STARD13: variants seen among roughly 807,000 people sequenced by gnomAD.
The protein encoded by STARD13 is StAR related lipid transfer domain containing 13, also known as stAR-related lipid transfer protein 13.
A neutral mutation model predicts 106.4 loss-of-function variants in STARD13; 62 were observed. The observed-to-expected ratio is 0.58, with a 90% CI of 0.48 to 0.72. STARD13 has a LOEUF of 0.72. Among genes scored for constraint, STARD13 ranks in the 30% least tolerant of loss-of-function variants. The probability of loss-of-function intolerance (pLI) is 0.00; values close to 1 mark genes in which losing one functional copy is unlikely to be tolerated. For missense variants in STARD13, 1,387 were observed against 1,424.0 expected, an observed-to-expected ratio of 0.97 and a Z score of 0.42; for synonymous variants, 565 against 553.0, an observed-to-expected ratio of 1.02 and a Z score of -0.31.
At chr13:33,163,490 T>C (rs1392728921) in intron 3 of STARD13, among the ~76,000 whole-genome samples, 1 of 150,270 alleles carries the variant, frequency 6.7e-6, no homozygotes, top group East Asian at 2.0e-4. Context: ...CTCTAGAGGC[T>C]GTGGCAGGAG....
chr13:33,238,639 T>C (rs1889313926), intron 1 of STARD13, among the ~76,000 whole-genome samples: 1 of 151,968 alleles, frequency 6.6e-6, no homozygotes, highest in African/African-American at 2.4e-5. Flanking sequence ...AGCTCTAGAG[T>C]GAGAAAACCT....
chr13:33,631,039 C>T, the STARD13 span, among the ~76,000 whole-genome samples: 1 of 152,120 alleles, frequency 6.6e-6, no homozygotes, highest in Non-Finnish European at 1.5e-5. Context: ...AAATTAGATC[C>T]CATGTTCTGC....
At chr13:33,157,686 G>C (rs760965092) in intron 3 of STARD13, among the ~76,000 whole-genome samples, 5 of 152,006 alleles carry the variant, frequency 3.3e-5, no homozygotes, top group South Asian at 4.1e-4. Context: ...AACAAACAAA[G>C]AAAGAAATTC....
the STARD13 span, among the ~76,000 whole-genome samples, chr13:33,496,971 TAACA>T: frequency 1.1e-4 from 16 of 152,144 alleles, no homozygotes; most frequent in Non-Finnish European, 1.8e-4. Flanking sequence ...CTCAAGTATA[TAACA>T]AACAGATAAT....
the STARD13 span, among the ~76,000 whole-genome samples, chr13:33,599,875 A>G: frequency 2.0e-5 from 3 of 152,254 alleles, no homozygotes; most frequent in Non-Finnish European, 4.4e-5. Flanking sequence ...TACAACCATT[A>G]GCTGAAATGT....
intron 1 of STARD13, among the ~76,000 whole-genome samples, chr13:33,314,382 C>A (rs1380474380): frequency 1.3e-5 from 2 of 152,092 alleles, no homozygotes; most frequent in East Asian, 3.8e-4. Context: ...TGATTTGGAG[C>A]AGGACTACAG....
At chr13:33,384,354 G>A in the STARD13 span, among the ~76,000 whole-genome samples, 1 of 152,196 alleles carries the variant, frequency 6.6e-6, no homozygotes, top group Non-Finnish European at 1.5e-5. Flanking sequence ...GCCAAGCTAA[G>A]AGTCCGGGAA....
chr13:33,315,673 C>G (rs2138513316), intron 1 of STARD13, among the ~76,000 whole-genome samples: 1 of 152,196 alleles, frequency 6.6e-6, no homozygotes, highest in East Asian at 1.9e-4. Context: ...AATTTCAAAA[C>G]AAAGTTCAAG....
rs76891142 is a variant in STARD13, at chr13:33,167,535, C to G, written c.241+16G>C. ...ATTTATTCTCTGTGTAAGAGCGAAG[C>G]GAAGGGCTGACGTACCCTCATATAA... On this transcript the variant is annotated intron_variant, in intron 2 of 13. Coordinates refer to ENST00000336934, the MANE Select transcript of STARD13 (RefSeq NM_178006.4). The G allele has an allele frequency of 2.2e-3, 3,506 of 1,613,568 alleles. 45 individuals carry two copies. In the African/African-American group the frequency reaches 0.033, roughly 15 times the overall value.
intron 6 of STARD13, among the ~76,000 whole-genome samples, chr13:33,126,847 T>C (rs570613238): frequency 1.4e-5 from 2 of 144,500 alleles, no homozygotes; most frequent in African/African-American, 5.2e-5. Context: ...ACCCACCAAA[T>C]CATCTACAAT....
intron 1 of STARD13, among the ~76,000 whole-genome samples, chr13:33,237,461 T>C (rs2138233550): frequency 6.6e-6 from 1 of 152,300 alleles, no homozygotes; most frequent in South Asian, 2.1e-4. Context: ...TAACATCTTA[T>C]TCCTCCTTTT....
the STARD13 span, among the ~76,000 whole-genome samples, chr13:33,447,528 C>T: frequency 6.6e-6 from 1 of 152,188 alleles, no homozygotes; most frequent in Admixed American, 6.5e-5. Context: ...TGTACTCTGA[C>T]TCTCATTAAC....
chr13:33,592,740 T>C, the STARD13 span, among the ~76,000 whole-genome samples: 1 of 152,248 alleles, frequency 6.6e-6, no homozygotes, highest in Non-Finnish European at 1.5e-5. Flanking sequence ...GACACAAGCA[T>C]ACACTGAGAA....
the STARD13 span, among the ~76,000 whole-genome samples, chr13:33,582,704 A>G: frequency 6.8e-4 from 104 of 152,290 alleles, no homozygotes; most frequent in African/African-American, 2.4e-3. Context: ...TCATATTTTG[A>G]CTTTTCTTTG....
chr13:33,184,226 T>C (rs540796831), intron 1 of STARD13, among the ~76,000 whole-genome samples: 1 of 152,350 alleles, frequency 6.6e-6, no homozygotes, highest in African/African-American at 2.4e-5. Flanking sequence ...TAGATGTAAC[T>C]GTGACTTCTG....
At chr13:33,152,862 G>A (rs1486715915) in intron 3 of STARD13, among the ~76,000 whole-genome samples, 4 of 152,148 alleles carry the variant, frequency 2.6e-5, no homozygotes, top group Non-Finnish European at 4.4e-5. Flanking sequence ...ATGGGGAGCC[G>A]AAGAGCCCGT....
chr13:33,381,497 T>TG, the STARD13 span, among the ~76,000 whole-genome samples: 3 of 152,168 alleles, frequency 2.0e-5, no homozygotes, highest in African/African-American at 7.2e-5. Flanking sequence ...CTCAGCACTT[T>TG]GGGAGGCCGA....
intron 1 of STARD13, among the ~76,000 whole-genome samples, chr13:33,255,105 C>T (rs74045746): frequency 8.5e-5 from 12 of 141,226 alleles, no homozygotes; most frequent in South Asian, 2.4e-4. Flanking sequence ...TGCTCCCCCC[C>T]CCCTCAGAGG....
rs1874334202 is a variant in STARD13, at chr13:33,110,222, G to C, written c.2830-132C>G. On this transcript the variant is annotated intron_variant, in intron 11 of 13. Transcript: ENST00000336934. ...AACCATCACTGATTATGTAAATTGAGAGTGATACTACATACCTCAGCTGTA... is the reference window on the plus strand; with the variant it reads ...AACCATCACTGATTATGTAAATTGACAGTGATACTACATACCTCAGCTGTA... 3 of 715,730 alleles carry C rather than the reference G, an allele frequency of 4.2e-6. No individual in the cohort carries two copies. In the South Asian group the frequency reaches 5.3e-5, roughly 13 times the overall value. The allele number at this position is 715,730 out of a possible 1,614,324, so 44.3% of individuals were successfully genotyped here.
Sources: allele counts gnomAD v4.1 joint callset (sites outside exome capture counted in the v4.1 genomes callset), GRCh38; gene constraint gnomAD v4.1.1; transcripts MANE v1.5; gene names NCBI Gene and HGNC (gene_info 2026-07-23, HGNC 2026-07-21).